The following EPB41L3 variants were observed in gnomAD, a reference collection of about 807,000 sequenced individuals.
EPB41L3 encodes band 4.1-like protein 3.
Under a neutral mutation model 127.1 loss-of-function variants are expected in EPB41L3, and 57 were observed. The ratio of observed to expected loss-of-function variants is 0.45; its 90% CI spans 0.36 to 0.56. The LOEUF is 0.56. EPB41L3 is among the 20% of genes least tolerant of loss of function. The probability of loss-of-function intolerance (pLI) is 0.00; values close to 1 mark genes in which losing one functional copy is unlikely to be tolerated. For missense variants in EPB41L3, 1,273 were observed against 1,372.2 expected, an observed-to-expected ratio of 0.93 and a Z score of 1.14; for synonymous variants, 572 against 549.5, an observed-to-expected ratio of 1.04 and a Z score of -0.57.
At chr18:5,541,672 G>A (rs772665262) in intron 1 of EPB41L3, among the ~76,000 whole-genome samples, 1 of 152,106 alleles carries the variant, frequency 6.6e-6, no homozygotes, top group African/African-American at 2.4e-5. Flanking sequence ...TCAACACAAA[G>A]TTGTCCAAAG....
chr18:5,451,939 A>G (rs1173825236), intron 3 of EPB41L3, among the ~76,000 whole-genome samples: 2 of 152,150 alleles, frequency 1.3e-5, no homozygotes, highest in Admixed American at 6.5e-5. Flanking sequence ...CCCGGGTCCA[A>G]GTGATTCTCT....
chr18:5,455,381 C>A (rs2082885240), intron 3 of EPB41L3, among the ~76,000 whole-genome samples: 2 of 152,016 alleles, frequency 1.3e-5, no homozygotes, highest in Non-Finnish European at 2.9e-5. Context: ...AGTCTACATT[C>A]AATTTTTCTT....
intron 3 of EPB41L3, among the ~76,000 whole-genome samples, chr18:5,555,370 A>G (rs1335585230): frequency 1.3e-5 from 2 of 152,056 alleles, no homozygotes; most frequent in Non-Finnish European, 2.9e-5. Context: ...ATCTTAACCA[A>G]TCCCCCTGTA....
At chr18:5,587,591 A>C (rs1200019763) in intron 3 of EPB41L3, among the ~76,000 whole-genome samples, 1 of 152,116 alleles carries the variant, frequency 6.6e-6, no homozygotes, top group Non-Finnish European at 1.5e-5. Context: ...TATTTGGAAG[A>C]CTATCCCAGG....
intron 11 of EPB41L3, among the ~76,000 whole-genome samples, chr18:5,421,845 G>A (rs956490044): frequency 3.3e-5 from 5 of 152,046 alleles, no homozygotes; most frequent in South Asian, 2.1e-4. Context: ...TGGTGGTGAC[G>A]GATAAAAAAC....
At chr18:5,486,386 G>A (rs1264244757) in intron 2 of EPB41L3, among the ~76,000 whole-genome samples, 2 of 152,072 alleles carry the variant, frequency 1.3e-5, no homozygotes, top group African/African-American at 4.8e-5. Context: ...GAAACCACTA[G>A]AAGAAAACAC....
chr18:5,625,455 C>G (rs562156615), intron 1 of EPB41L3, among the ~76,000 whole-genome samples: 2 of 152,218 alleles, frequency 1.3e-5, no homozygotes, highest in East Asian at 1.9e-4. Flanking sequence ...GTCTCCCACA[C>G]AGGTGACTCA....
chr18:5,589,151 T>C (rs2094464637), intron 3 of EPB41L3, among the ~76,000 whole-genome samples: 1 of 152,102 alleles, frequency 6.6e-6, no homozygotes, highest in Non-Finnish European at 1.5e-5. Context: ...CTCTTTCCAT[T>C]GAGGAGAATT....
At chr18:5,428,189 C>T (rs2078485106) in intron 9 of EPB41L3, 124 bp downstream of exon 9, 2 of 1,075,756 alleles carry the variant, frequency 1.9e-6, no homozygotes, top group Non-Finnish European at 2.7e-6. Context: ...TAAACTCTCT[C>T]AGGCACTTAG....
At chr18:5,485,112 A>G (rs995598795) in intron 2 of EPB41L3, among the ~76,000 whole-genome samples, 1 of 152,086 alleles carries the variant, frequency 6.6e-6, no homozygotes. Flanking sequence ...AACCGAATTC[A>G]ACAATACATT....
chr18:5,624,762 T>C (rs1204113492), intron 1 of EPB41L3, among the ~76,000 whole-genome samples: 1 of 151,838 alleles, frequency 6.6e-6, no homozygotes, highest in African/African-American at 2.4e-5. Flanking sequence ...AATACAAAGG[T>C]GAATAGGATG....
chr18:5,503,819 T>C (rs1274902525), intron 1 of EPB41L3, among the ~76,000 whole-genome samples: 1 of 152,222 alleles, frequency 6.6e-6, no homozygotes, highest in Non-Finnish European at 1.5e-5. Flanking sequence ...TTGGAAGGTA[T>C]ATGCTGACTA....
chr18:5,462,080 A>G (rs1378023843), intron 3 of EPB41L3, among the ~76,000 whole-genome samples: 1 of 152,172 alleles, frequency 6.6e-6, no homozygotes, highest in Non-Finnish European at 1.5e-5. Context: ...ATTTTTTTCT[A>G]ATTTCAGATA....
intron 3 of EPB41L3, among the ~76,000 whole-genome samples, chr18:5,451,076 C>T (rs79708834): frequency 0.014 from 2,120 of 152,214 alleles, 21 homozygotes; most frequent in South Asian, 0.041. Context: ...TATTCTAATC[C>T]GAATCATTCC....
At chr18:5,494,671 C>G (rs1400900002) in intron 1 of EPB41L3, among the ~76,000 whole-genome samples, 3 of 127,848 alleles carry the variant, frequency 2.3e-5, no homozygotes, top group Non-Finnish European at 5.1e-5. Flanking sequence ...TCCCCCCACC[C>G]AAAAAAAAAA....
At chr18:5,620,264 T>C (rs1309629278) in intron 1 of EPB41L3, among the ~76,000 whole-genome samples, 1 of 152,208 alleles carries the variant, frequency 6.6e-6, no homozygotes. Context: ...ACCCACAATC[T>C]GGAAAATGAC....
intron 2 of EPB41L3, among the ~76,000 whole-genome samples, chr18:5,483,891 T>G (rs546208375): frequency 1.3e-5 from 2 of 150,948 alleles, no homozygotes; most frequent in East Asian, 3.9e-4. Flanking sequence ...CACTCCACTC[T>G]CAGTAAGGGA....
At chr18:5,567,250 G>C (rs566279932) in intron 3 of EPB41L3, 3 of 152,374 alleles carry the variant, frequency 2.0e-5, no homozygotes, top group African/African-American at 7.2e-5. Flanking sequence ...CCCCAAGGCA[G>C]ACAGTGCACT....
At chr18:5,485,192 C>T (rs1010174690) in intron 2 of EPB41L3, among the ~76,000 whole-genome samples, 2 of 151,962 alleles carry the variant, frequency 1.3e-5, no homozygotes, top group South Asian at 4.1e-4. Context: ...GATGGTTAAA[C>T]ATACAAAAAT....
Sources: gnomAD v4.1 joint callset for allele counts (sites outside exome capture counted in the v4.1 genomes callset) on GRCh38, gnomAD v4.1.1 for gene constraint, MANE v1.5 for transcripts, NCBI Gene and HGNC (gene_info 2026-07-23, HGNC 2026-07-21) for gene names.